PDLIM5: variants seen among roughly 807,000 people sequenced by gnomAD.
PDLIM5 encodes PDZ and LIM domain 5, also known as PDZ and LIM domain protein 5.
PDLIM5 carries 34 observed loss-of-function variants against 64.2 expected under a neutral mutation model. The ratio of observed to expected loss-of-function variants is 0.53; its 90% CI spans 0.40 to 0.71. PDLIM5 has a LOEUF of 0.71. Ranked by LOEUF, PDLIM5 falls within the 30% of genes least tolerant of loss-of-function variation. PDLIM5 has a pLI of 0.00. For synonymous variants in PDLIM5, 253 were observed against 269.1 expected (o/e 0.94, Z 0.59); for missense variants, 683 against 733.6 (o/e 0.93, Z 0.80).
chr4:94,614,470 A>G (rs1019892840), intron 7 of PDLIM5, among the ~76,000 whole-genome samples: 1 of 152,166 alleles, frequency 6.6e-6, no homozygotes, highest in East Asian at 1.9e-4. Context: ...AAAATTAGGG[A>G]AAAAATGTTA....
chr4:94,478,890 G>GTTTTTTTTTTTTTTTTTTTTTTT (rs67013211), intron 2 of PDLIM5, among the ~76,000 whole-genome samples: 1 of 94,124 alleles, frequency 1.1e-5, no homozygotes, highest in African/African-American at 4.5e-5. Context: ...TGTGCTTGGT[G>GTTTTTTTTTTTTTTTTTTTTTTT]TTTTTTTTTT....
intron 7 of PDLIM5, among the ~76,000 whole-genome samples, chr4:94,616,393 A>T (rs906347014): frequency 6.6e-6 from 1 of 152,220 alleles, no homozygotes; most frequent in Non-Finnish European, 1.5e-5. Context: ...CACTTTATAC[A>T]TAATTATCTT....
Position 94,604,726 on chromosome 4 carries a change from A to G in PDLIM5, c.921-13278A>G, listed in dbSNP as rs148470757. ...GGGAGGGGGAAGGGGTAGTTGTTCA[A>G]TGGGTATAGAGTTTCGAATATGCAA... On this transcript the variant is annotated intron_variant, in intron 7 of 12. Transcript: ENST00000317968. Among the ~76,000 whole-genome samples the G allele has an allele frequency of 6.3e-3, 959 of 152,260 alleles. 8 individuals are homozygous for G. Among genetic ancestry groups the G allele is most frequent in the African/African-American group, 0.022 (911 of 41,546 alleles).
intron 1 of PDLIM5, among the ~76,000 whole-genome samples, chr4:94,454,492 T>C (rs1211839296): frequency 6.6e-6 from 1 of 152,218 alleles, no homozygotes; most frequent in African/African-American, 2.4e-5. Flanking sequence ...TTTGCTGTAT[T>C]TAGTCATAAT....
chr4:94,616,499 C>G (rs1738797819), intron 7 of PDLIM5, among the ~76,000 whole-genome samples: 1 of 152,122 alleles, frequency 6.6e-6, no homozygotes, highest in Non-Finnish European at 1.5e-5. Context: ...ATTTGTCCAC[C>G]ACAGTGCTTT....
At chr4:94,583,447 C>G (rs1378296012) in intron 5 of PDLIM5, among the ~76,000 whole-genome samples, 1 of 152,112 alleles carries the variant, frequency 6.6e-6, no homozygotes, top group Non-Finnish European at 1.5e-5. Flanking sequence ...AAACTACACT[C>G]AATACTTGTA....
intron 2 of PDLIM5, among the ~76,000 whole-genome samples, chr4:94,460,167 A>G (rs1331457577): frequency 6.6e-6 from 1 of 152,122 alleles, no homozygotes; most frequent in Non-Finnish European, 1.5e-5. Flanking sequence ...AAAAATATTA[A>G]TTACCTTTTG....
At chr4:94,499,587 A>T (rs1727723106) in intron 2 of PDLIM5, among the ~76,000 whole-genome samples, 1 of 152,224 alleles carries the variant, frequency 6.6e-6, no homozygotes, top group African/African-American at 2.4e-5. Context: ...GATGATTTAA[A>T]GTATATAGGC....
chr4:94,585,539 A>C, intron 5 of PDLIM5, 26 bp from the exon 6 acceptor site: 1 of 1,447,968 alleles, frequency 6.9e-7, no homozygotes, highest in African/African-American at 1.4e-5. Flanking sequence ...TACAATTTTT[A>C]ATTTTTTTTT....
At chr4:94,514,733 A>G (rs1008580976) in intron 2 of PDLIM5, among the ~76,000 whole-genome samples, 2 of 152,080 alleles carry the variant, frequency 1.3e-5, no homozygotes, top group African/African-American at 2.4e-5. Context: ...TGGTCTGTTC[A>G]GGTTTTGGAT....
At chr4:94,496,002 CA>C (rs1727355995) in intron 2 of PDLIM5, among the ~76,000 whole-genome samples, 1 of 151,408 alleles carries the variant, frequency 6.6e-6, no homozygotes, top group South Asian at 2.1e-4. Context: ...TCCCTCAATT[CA>C]GAGGAATGGG....
intron 2 of PDLIM5, chr4:94,457,042 T>G: frequency 1.1e-6 from 1 of 929,354 alleles, no homozygotes; most frequent in African/African-American, 1.8e-5. Flanking sequence ...AAGATTGTCA[T>G]TTTGGTTAAT....
intron 2 of PDLIM5, chr4:94,456,625 T>C (rs1300667937): frequency 2.7e-5 from 22 of 803,068 alleles, no homozygotes; most frequent in Non-Finnish European, 3.6e-5. Context: ...GAAAGTGACA[T>C]TTAACCAATC....
chr4:94,454,524 G>C (rs776829784), intron 1 of PDLIM5, among the ~76,000 whole-genome samples: 2 of 152,136 alleles, frequency 1.3e-5, no homozygotes, highest in African/African-American at 2.4e-5. Flanking sequence ...AGTGGCAAAT[G>C]CTTACTCTCT....
chr4:94,505,553 C>T (rs567414654), intron 2 of PDLIM5, among the ~76,000 whole-genome samples: 1 of 152,264 alleles, frequency 6.6e-6, no homozygotes, highest in Admixed American at 6.5e-5. Context: ...TGAGCCACCA[C>T]GCATGGCTGG....
At chr4:94,579,604 G>A in intron 5 of PDLIM5, 1 of 776,944 alleles carries the variant, frequency 1.3e-6, no homozygotes, top group Non-Finnish European at 2.0e-6. Context: ...ATGAATGCCT[G>A]ATTTTTGCAA....
chr4:94,587,125 A>C, intron 7 of PDLIM5: 1 of 1,553,618 alleles, frequency 6.4e-7, no homozygotes, highest in African/African-American at 1.4e-5. Flanking sequence ...ATACCTTTTC[A>C]TTTACTTTTT....
intron 9 of PDLIM5, among the ~76,000 whole-genome samples, chr4:94,652,138 A>G (rs540452252): frequency 4.5e-4 from 68 of 152,262 alleles, no homozygotes; most frequent in African/African-American, 1.6e-3. Context: ...AGAGCTTTTC[A>G]TTTTGTTCCA....
intron 3 of PDLIM5, among the ~76,000 whole-genome samples, chr4:94,535,746 G>A (rs1465408298): frequency 6.6e-6 from 1 of 151,888 alleles, no homozygotes; most frequent in Non-Finnish European, 1.5e-5. Context: ...CACTTGCTGT[G>A]TGGATAGCTG....
Sources: allele counts gnomAD v4.1 joint callset (sites outside exome capture counted in the v4.1 genomes callset), GRCh38; gene constraint gnomAD v4.1.1; transcripts MANE v1.5; gene names NCBI Gene and HGNC (gene_info 2026-07-23, HGNC 2026-07-21).